The following SUCO variants were observed in gnomAD, a reference collection of about 807,000 sequenced individuals.
SUCO encodes SUN domain-containing ossification factor.
In SUCO, 57 loss-of-function variants were observed where a neutral mutation model predicts 148.1. The observed-to-expected ratio is 0.38, with a 90% CI of 0.31 to 0.48. The LOEUF (loss-of-function observed/expected upper bound fraction) is 0.48, where lower values mean the gene tolerates loss of function less well. SUCO is among the 20% of genes least tolerant of loss of function. The pLI is 0.96. For missense variants in SUCO, 1,331 were observed against 1,468.2 expected (o/e 0.91, Z 1.53); for synonymous variants, 470 against 502.7 (o/e 0.93, Z 0.87).
At chr1:172,581,495 C>A (rs993441427) in intron 15 of SUCO, among the ~76,000 whole-genome samples, 15 of 152,156 alleles carry the variant, frequency 9.9e-5, no homozygotes, top group African/African-American at 3.6e-4. Flanking sequence ...CTGCTGCCTT[C>A]TGTATCTGTG....
intron 19 of SUCO, among the ~76,000 whole-genome samples, chr1:172,596,716 G>A (rs1657126848): frequency 6.6e-6 from 1 of 152,206 alleles, no homozygotes; most frequent in Non-Finnish European, 1.5e-5. Flanking sequence ...GTGCCTCCCA[G>A]TTAGGCTACA....
chr1:172,583,508 A>G (rs970657407), intron 15 of SUCO, among the ~76,000 whole-genome samples: 9 of 152,152 alleles, frequency 5.9e-5, no homozygotes, highest in African/African-American at 1.9e-4. Flanking sequence ...ATCCTGAAGC[A>G]TATATTTACA....
rs1419923013 is a variant in SUCO at position 172,610,423 on chromosome 1, T to C, written c.*164T>C. The C allele has an allele frequency of 4.5e-6, 5 of 1,104,562 alleles. No homozygotes were observed. 68.4% of individuals were successfully genotyped at this position (1,104,562 alleles called of 1,614,324 possible). A position where few individuals can be genotyped will look rare whatever the true frequency, so the allele number is the denominator to read the frequency against. On this transcript the variant is annotated 3_prime_UTR_variant, in exon 24 of 24. Transcript: ENST00000263688. ...AAAGTAGATGGGATTGTGTCAATCTTGGTTAATGAGCTACAGTTTTACAAA... is the reference window on the plus strand; with the variant it reads ...AAAGTAGATGGGATTGTGTCAATCTCGGTTAATGAGCTACAGTTTTACAAA...
intron 22 of SUCO, among the ~76,000 whole-genome samples, chr1:172,607,217 C>T (rs1040787807): frequency 2.6e-5 from 4 of 151,816 alleles, no homozygotes; most frequent in Non-Finnish European, 5.9e-5. Flanking sequence ...GCTACTTTTT[C>T]TCTTTGAAAA....
intron 19 of SUCO, among the ~76,000 whole-genome samples, chr1:172,598,006 C>T (rs1315977639): frequency 6.6e-6 from 1 of 152,052 alleles, no homozygotes; most frequent in East Asian, 1.9e-4. Flanking sequence ...GAAATATTTG[C>T]CTAACGCAAA....
At chr1:172,593,339 C>T (rs1656816208) in intron 19 of SUCO, among the ~76,000 whole-genome samples, 1 of 152,200 alleles carries the variant, frequency 6.6e-6, no homozygotes, top group Non-Finnish European at 1.5e-5. Flanking sequence ...GAGAGGGCAT[C>T]CTTGTCTTGT....
intron 22 of SUCO, among the ~76,000 whole-genome samples, chr1:172,607,235 G>T (rs994014396): frequency 4.6e-5 from 7 of 151,852 alleles, no homozygotes; most frequent in Non-Finnish European, 8.8e-5. Flanking sequence ...AAAGTTATTT[G>T]TAGGGATAAT....
At chr1:172,536,727 T>C (rs1349440728) in intron 1 of SUCO, among the ~76,000 whole-genome samples, 4 of 152,208 alleles carry the variant, frequency 2.6e-5, no homozygotes, top group Non-Finnish European at 4.4e-5. Flanking sequence ...CTCACAGGGC[T>C]AAATAAAGTT....
At chr1:172,580,684 G>A (rs1447089941) in intron 15 of SUCO, among the ~76,000 whole-genome samples, 2 of 152,014 alleles carry the variant, frequency 1.3e-5, no homozygotes, top group Non-Finnish European at 2.9e-5. Context: ...GGTAGGTACT[G>A]GAAAAAAGAG....
rs1369626659 is a variant in SUCO at position 172,568,568 on chromosome 1, C to T, written c.733-451C>T. ...TTCACATTTAGAATTTTTAATTTGCCTTAAAATTTTTGTGTACACAGTGTT... is the reference window on the plus strand; with the variant it reads ...TTCACATTTAGAATTTTTAATTTGCTTTAAAATTTTTGTGTACACAGTGTT... On this transcript the variant is annotated intron_variant, in intron 6 of 23. Coordinates refer to ENST00000263688, the MANE Select transcript of SUCO (RefSeq NM_014283.5). The T allele has an allele frequency of 6.5e-6, 3 of 459,578 alleles. No homozygotes were observed. The East Asian group carries it at 4.7e-4, about 72-fold the overall frequency. The allele number at this position is 459,578 out of a possible 1,614,324, so 28.5% of individuals were successfully genotyped here.
chr1:172,555,620 T>C (rs78410476), intron 3 of SUCO, among the ~76,000 whole-genome samples: 1,656 of 152,186 alleles, frequency 0.011, 19 homozygotes, highest in Non-Finnish European at 0.017. Flanking sequence ...AAGTAGGAAA[T>C]AGGTAGGGAG....
chr1:172,556,180 C>G (rs1321278170), intron 4 of SUCO, among the ~76,000 whole-genome samples, 157 bp downstream of exon 4: 2 of 152,098 alleles, frequency 1.3e-5, no homozygotes, highest in African/African-American at 4.8e-5. Context: ...CGTATGTGTG[C>G]ATGCGTTTGT....
chr1:172,588,845 CAAGAGGAGG>C lies in SUCO; in HGVS notation c.1754_1762del (p.Glu585_Glu587del). 1 of 1,611,894 alleles carries C rather than the reference CAAGAGGAGG, an allele frequency of 6.2e-7. No homozygotes were observed. The highest frequency in any genetic ancestry group is 8.5e-7 in the Non-Finnish European group (1 of 1,179,004). ...AGAGAGTCCCATTGTACAGTTAGTT[CAAGAGGAGG>C]AAGAGGAGGCAAGTCCATCTACAGT... On this transcript the variant is annotated inframe_deletion, in exon 18 of 24. Transcript: ENST00000263688.
At chr1:172,587,501 T>C (rs1656326189) in intron 17 of SUCO, among the ~76,000 whole-genome samples, 1 of 152,142 alleles carries the variant, frequency 6.6e-6, no homozygotes, top group African/African-American at 2.4e-5. Context: ...CAGACATTAC[T>C]TGTTTTTACT....
intron 2 of SUCO, among the ~76,000 whole-genome samples, chr1:172,552,869 A>G (rs935469958): frequency 2.6e-5 from 4 of 152,068 alleles, no homozygotes; most frequent in African/African-American, 7.2e-5. Context: ...TATGAAAATT[A>G]CACTCTAGAA....
rs183453182 is a variant in SUCO at position 172,595,606 on chromosome 1, C to T, written c.2914-4458C>T. ...CTTTAAGAATGTTGAATATTGGCCC[C>T]CACTCTCTTCTGACTTGTAGAGTTT... On this transcript the variant is annotated intron_variant, in intron 19 of 23. Coordinates refer to ENST00000263688, the MANE Select transcript of SUCO (RefSeq NM_014283.5). Among the ~76,000 whole-genome samples, 267 of 152,320 alleles carry T rather than the reference C, an allele frequency of 1.8e-3. 7 individuals carry two copies. The highest frequency in any genetic ancestry group is 0.016 in the Admixed American group (243 of 15,296).
intron 1 of SUCO, among the ~76,000 whole-genome samples, chr1:172,544,447 T>C (rs943541359): frequency 1.3e-5 from 2 of 152,256 alleles, no homozygotes; most frequent in African/African-American, 2.4e-5. Context: ...CAGGTAGAGA[T>C]AGCCAAAGGG....
chr1:172,589,046 C>T lies in SUCO; in HGVS notation c.1945C>T (p.Arg649Ter). ...AGTTGCTCTTTATCGGCAGCGCAGC[C>T]GAACTGCTTTGAGTAAAGGAAAAGA... Reference protein sequence around the residue: ...VRVALYRQRSRTALSKGKDYL... With the variant: ...VRVALYRQRS The change falls in exon 18 of 24, where the codon CGA (arginine) becomes TGA (stop). Residue 649 changes from arginine to a stop codon, truncating the protein, a stop_gained. Coordinates refer to ENST00000263688, the MANE Select transcript of SUCO (RefSeq NM_014283.5). LOFTEE classifies it high-confidence loss of function. The T allele has an allele frequency of 6.2e-7, 1 of 1,613,576 alleles. No homozygotes were observed.
At chr1:172,607,316 C>T (rs1315057198) in intron 22 of SUCO, among the ~76,000 whole-genome samples, 1 of 151,792 alleles carries the variant, frequency 6.6e-6, no homozygotes, top group Non-Finnish European at 1.5e-5. Flanking sequence ...TAATACCTTA[C>T]ATTCATGACT....
Sources: allele counts gnomAD v4.1 joint callset (sites outside exome capture counted in the v4.1 genomes callset), GRCh38; gene constraint gnomAD v4.1.1; transcripts MANE v1.5; gene names NCBI Gene and HGNC (gene_info 2026-07-23, HGNC 2026-07-21).